Variants in DNAH17 observed in about 807,000 individuals in gnomAD.
DNAH17 encodes the protein dynein axonemal heavy chain 17.
DNAH17 carries 376 observed loss-of-function variants against 485.6 expected under a neutral mutation model. The observed-to-expected ratio is 0.77, with a 90% confidence interval of 0.71 to 0.84. The LOEUF is 0.84. Ranked by LOEUF, DNAH17 falls within the 40% of genes least tolerant of loss-of-function variation. The probability of loss-of-function intolerance (pLI) is 0.00; values close to 1 mark genes in which losing one functional copy is unlikely to be tolerated. For missense variants in DNAH17, 6,370 were observed against 5,839.3 expected (o/e 1.09, Z -2.96); for synonymous variants, 3,031 against 2,405.9 (o/e 1.26, Z -7.60).
At chr17:78,475,502 G>A (rs373314479) in intron 53 of DNAH17, 33 bp from the exon 54 acceptor site, 6 of 1,612,810 alleles carry the variant, frequency 3.7e-6, no homozygotes, top group Non-Finnish European at 5.1e-6. Context: ...ACAACATCTT[G>A]TAGCACCTGG....
intron 75 of DNAH17, among the ~76,000 whole-genome samples, chr17:78,431,914 G>A (rs950774562): frequency 4.6e-5 from 7 of 152,132 alleles, no homozygotes; most frequent in African/African-American, 1.7e-4. Flanking sequence ...GCTCACGCCT[G>A]TAATCCTAGC....
intron 73 of DNAH17, among the ~76,000 whole-genome samples, chr17:78,438,553 A>T (rs1314147527): frequency 1.4e-5 from 2 of 143,772 alleles, no homozygotes; most frequent in Non-Finnish European, 3.0e-5. Context: ...GCTGGAGTGC[A>T]GTGGTGCACT....
chr17:78,530,010 A>T (rs2091187194), intron 21 of DNAH17, among the ~76,000 whole-genome samples: 1 of 152,212 alleles, frequency 6.6e-6, no homozygotes, highest in Admixed American at 6.5e-5. Context: ...CACTGTGCCC[A>T]TCATGGCCCT....
rs1386988668 is a variant in DNAH17 at position 78,553,972 on chromosome 17, T to A, written c.2179-1167A>T. 2.6e-5 allele frequency among the ~76,000 whole-genome samples: 4 copies of A among 152,094 alleles called. No homozygotes were observed. In the South Asian group the frequency reaches 6.2e-4, roughly 24 times the overall value. Reference sequence around the variant, plus strand: ...AATCTAAAGCTCAAAATCTTTTTTTTAATATAGAGATGGGATCTTGCTATG... The same window carrying A: ...AATCTAAAGCTCAAAATCTTTTTTTAAATATAGAGATGGGATCTTGCTATG... On this transcript the variant is annotated intron_variant, in intron 14 of 80. Coordinates refer to ENST00000389840, the MANE Select transcript of DNAH17 (RefSeq NM_173628.4).
chr17:78,539,785 C>G lies in DNAH17; in HGVS notation c.2628G>C (p.Gln876His), dbSNP rs369349617. ...GGAAACTCAGAGATTTGCGAATGAA[C>G]TGGTCAAATTCATCTAAGACCATGT... ...IDDMVLDEFD[Q>H]FIRKSLSFLM... Residue 876 changes from glutamine (Q) to histidine (H), a missense_variant, in exon 18 of 81, where the codon CAG becomes CAC. Transcript: ENST00000389840. The G allele has an allele frequency of 5.0e-6, 8 of 1,611,562 alleles. No individual in the cohort carries two copies. In the African/African-American group the frequency reaches 1.1e-4, roughly 22 times the overall value.
Position 78,445,629 on chromosome 17 carries a change from G to A in DNAH17, c.11263C>T (p.Arg3755Trp), listed in dbSNP as rs148540232. ...ACCACTCCGGCCTTAAAAGGGAACCGCAGGAGGAAATCCAGCTCCACTGGG... is the reference window on the plus strand; with the variant it reads ...ACCACTCCGGCCTTAAAAGGGAACCACAGGAGGAAATCCAGCTCCACTGGG... ...LNPVELDFLL[R>W]FPFKAGVVSP... Residue 3755 changes from arginine (R) to tryptophan (W), a missense_variant, in exon 70 of 81, where the codon CGG (arginine) becomes TGG (tryptophan). Arg to Trp is a moderately radical substitution (Grantham distance 101, BLOSUM62 -3). Coordinates refer to ENST00000389840, the MANE Select transcript of DNAH17 (RefSeq NM_173628.4). The A allele has an allele frequency of 4.5e-6, 7 of 1,570,364 alleles. No homozygotes were observed. In the African/African-American group the frequency reaches 5.4e-5, roughly 12 times the overall value.
Position 78,495,094 on chromosome 17 carries a change from G to T in DNAH17, c.5907C>A (p.Pro1969=). Residue 1969 remains proline, a synonymous_variant, in exon 39 of 81, where the codon CCC becomes CCA. Transcript: ENST00000389840. ...LPENLKALFR[P]CAMVVPDFEL... Reference sequence around the variant, plus strand: ...CGAAGTCGGGGACGACCATGGCACAGGGCCTGGGGAGGTCAGCGGTGCCTG... The same window carrying T: ...CGAAGTCGGGGACGACCATGGCACATGGCCTGGGGAGGTCAGCGGTGCCTG... The T allele has an allele frequency of 1.2e-6, 2 of 1,604,462 alleles. No homozygotes were observed. Among genetic ancestry groups the T allele is most frequent in the South Asian group, 1.1e-5 (1 of 89,666 alleles).
chr17:78,551,357 G>T (rs1568241385), intron 16 of DNAH17, among the ~76,000 whole-genome samples, 178 bp downstream of exon 16: 1 of 152,220 alleles, frequency 6.6e-6, no homozygotes, highest in Non-Finnish European at 1.5e-5. Context: ...GAGCAACTGG[G>T]CTCTTTCTGC....
intron 48 of DNAH17, 129 bp downstream of exon 48, chr17:78,484,739 A>ACCCCCCAGGCCCCCCC: frequency 7.2e-5 from 25 of 347,786 alleles, no homozygotes; most frequent in East Asian, 1.2e-4. Context: ...ACGTTGCAGC[A>ACCCCCCAGGCCCCCCC]CCCCCCCCAC....
Position 78,503,647 on chromosome 17 carries a change from C to T in DNAH17, c.4957-636G>A, listed in dbSNP as rs111488275. On this transcript the variant is annotated intron_variant, in intron 31 of 80. Coordinates refer to ENST00000389840, the MANE Select transcript of DNAH17 (RefSeq NM_173628.4). ...GACTACAGGTGTGCACCACCACACC[C>T]GGCTAATCAAAGACTCACCTAAAAA... Among the ~76,000 whole-genome samples, 1,262 of 152,002 alleles carry T rather than the reference C, an allele frequency of 8.3e-3. 19 individuals are homozygous for T. The highest frequency in any genetic ancestry group is 0.028 in the African/African-American group (1,156 of 41,464).
In DNAH17 at chr17:78,439,365, CCCA is replaced by C. The variant is rs2086980334; in HGVS notation, c.11678-151_11678-149del. ...TGACATAAAACTTGCTGTTTTAAAA[CCCA>C]TCTTAAAGCGTACAGTGCACCGACA... On this transcript the variant is annotated intron_variant, in intron 72 of 80. Coordinates refer to ENST00000389840, the MANE Select transcript of DNAH17 (RefSeq NM_173628.4). 1.0e-5 allele frequency: 10 copies of C among 954,906 alleles called. No individual in the cohort carries two copies. In the East Asian group the frequency reaches 1.3e-4, roughly 13 times the overall value. The allele number at this position is 954,906 out of a possible 1,614,324, so 59.2% of individuals were successfully genotyped here.
rs140871237 is a variant in DNAH17 at position 78,439,442 on chromosome 17, T to C, written c.11678-225A>G. On this transcript the variant is annotated intron_variant, in intron 72 of 80. Transcript: ENST00000389840. ...CAATCATCCGTTTGGTTCTAGAACATTGTCATGGCCCAAGAGGTGGTCCCC... is the reference window on the plus strand; with the variant it reads ...CAATCATCCGTTTGGTTCTAGAACACTGTCATGGCCCAAGAGGTGGTCCCC... 3.3e-5 allele frequency among the ~76,000 whole-genome samples: 5 copies of C among 152,234 alleles called. No homozygotes were observed. The East Asian group carries it at 7.7e-4, about 24-fold the overall frequency.
intron 11 of DNAH17, among the ~76,000 whole-genome samples, chr17:78,565,540 C>T (rs923647651): frequency 3.3e-5 from 5 of 151,850 alleles, no homozygotes; most frequent in Non-Finnish European, 5.9e-5. Context: ...CCAGGCCAAC[C>T]CAATTGCCTT....
At chr17:78,558,285 T>G in intron 13 of DNAH17, 31 bp from the exon 14 acceptor site, 1 of 1,609,258 alleles carries the variant, frequency 6.2e-7, no homozygotes, top group African/African-American at 1.3e-5. Context: ...AAAGAACATG[T>G]CAGCAGGTCA....
At chr17:78,555,130 A>G (rs1414081291) in intron 14 of DNAH17, among the ~76,000 whole-genome samples, 3 of 152,190 alleles carry the variant, frequency 2.0e-5, no homozygotes, top group Non-Finnish European at 2.9e-5. Context: ...GTGCTTAGGA[A>G]AGAGAAATAG....
intron 50 of DNAH17, 118 bp downstream of exon 50, chr17:78,479,367 T>A: frequency 7.7e-7 from 1 of 1,306,888 alleles, no homozygotes; most frequent in Non-Finnish European, 1.0e-6. Context: ...GCATCGTTTT[T>A]AAGATATTGA....
rs1434097247 is a variant in DNAH17, at chr17:78,495,969, T to C, written c.5809A>G (p.Ile1937Val). The change falls in exon 38 of 81, where the codon ATA becomes GTA. Residue 1937 changes from isoleucine (I) to valine (V), a missense_variant. Coordinates refer to ENST00000389840, the MANE Select transcript of DNAH17 (RefSeq NM_173628.4). ...KKAFNFLGEIIGLIPTVGIFI... is the reference protein window; with the variant it reads ...KKAFNFLGEIVGLIPTVGIFI... ...ATACCGACGGTGGGAATGAGGCCTA[T>C]GATCTCTCCCAGGAAATTGAATGCT... The C allele has an allele frequency of 1.4e-5, 22 of 1,613,884 alleles. No homozygotes were observed. The highest frequency in any genetic ancestry group is 1.6e-5 in the Non-Finnish European group (19 of 1,179,878).
chr17:78,436,256 A>C (rs1048026716), intron 74 of DNAH17, among the ~76,000 whole-genome samples: 2 of 152,064 alleles, frequency 1.3e-5, no homozygotes, highest in Admixed American at 6.6e-5. Flanking sequence ...GTGAAACCCC[A>C]TCTCTACTAA....
Position 78,432,029 on chromosome 17 carries a change from C to CA in DNAH17, c.12225+1999dup, listed in dbSNP as rs542985561. Among the ~76,000 whole-genome samples, 340 of 151,050 alleles carry CA rather than the reference C, an allele frequency of 2.3e-3. 1 individual carries two copies. Among genetic ancestry groups the CA allele is most frequent in the Non-Finnish European group, 3.8e-3 (256 of 67,568 alleles). ...TTTACAGAACAAAACAAAACAAAAACAAAAAAAACCTGGCATTGTGGCCGC... is the reference window on the plus strand; with the variant it reads ...TTTACAGAACAAAACAAAACAAAAACAAAAAAAAACCTGGCATTGTGGCCGC... On this transcript the variant is annotated intron_variant, in intron 75 of 80. Transcript: ENST00000389840.
Sources: gnomAD v4.1 joint callset for allele counts (sites outside exome capture counted in the v4.1 genomes callset) on GRCh38, gnomAD v4.1.1 for gene constraint, MANE v1.5 for transcripts, NCBI Gene and HGNC (gene_info 2026-07-23, HGNC 2026-07-21) for gene names.